Variants in TRIM7 observed in about 807,000 individuals in gnomAD.
TRIM7 encodes the protein tripartite motif containing 7.
TRIM7 carries 32 observed loss-of-function variants against 37.9 expected under a neutral mutation model. The observed-to-expected ratio is 0.84, with a 90% confidence interval of 0.64 to 1.13. TRIM7 has a LOEUF of 1.13. TRIM7 is among the 50% of genes most tolerant of loss of function. The pLI is 0.00. For missense variants in TRIM7, 732 were observed against 714.0 expected, an observed-to-expected ratio of 1.03 and a Z score of -0.29; for synonymous variants, 351 against 321.3, an observed-to-expected ratio of 1.09 and a Z score of -0.99.
At chr5:181,204,378 G>A (rs1757691202) in intron 1 of TRIM7, 2 of 1,209,382 alleles carry the variant, frequency 1.7e-6, no homozygotes, top group South Asian at 3.7e-5. Context: ...AACGCAGTGG[G>A]GGTGGGGTGG....
In TRIM7 at chr5:181,194,958, G is replaced by C; in HGVS notation, c.*208C>G. The C allele has an allele frequency of 1.1e-5, 6 of 569,504 alleles. No homozygotes were observed. The highest frequency in any genetic ancestry group is 1.5e-5 in the Non-Finnish European group (5 of 334,494). 35.3% of individuals were successfully genotyped at this position (569,504 alleles called of 1,614,324 possible). ...AAATCCACATGTGACCTCAGGAAGG[G>C]AACACCCTCAGGAGTCCAAAGCCCC... On this transcript the variant is annotated 3_prime_UTR_variant, in exon 7 of 7. Transcript: ENST00000274773.
At chr5:181,198,866 C>T in intron 4 of TRIM7, 61 bp from the exon 5 acceptor site, 1 of 1,361,314 alleles carries the variant, frequency 7.3e-7, no homozygotes, top group Non-Finnish European at 1.0e-6. Flanking sequence ...CAGGCTGTGA[C>T]AATTAGGATG....
Position 181,195,021 on chromosome 5 carries a change from C to A in TRIM7, c.*145G>T, listed in dbSNP as rs995353233. On this transcript the variant is annotated 3_prime_UTR_variant, in exon 7 of 7. Transcript: ENST00000274773. ...CGGTTGGCCACAGTCACTCTCCTGCCTCGGGGTTGTGTCTGTAGCAGGCTC... is the reference window on the plus strand; with the variant it reads ...CGGTTGGCCACAGTCACTCTCCTGCATCGGGGTTGTGTCTGTAGCAGGCTC... The A allele has an allele frequency of 1.9e-6, 2 of 1,034,494 alleles. No individual in the cohort carries two copies. Among genetic ancestry groups the A allele is most frequent in the East Asian group, 5.3e-5 (2 of 37,846 alleles). The allele number at this position is 1,034,494 out of a possible 1,614,324, so 64.1% of individuals were successfully genotyped here. A position where few individuals can be genotyped will look rare whatever the true frequency, so the allele number is the denominator to read the frequency against.
At chr5:181,203,959 A>G in intron 1 of TRIM7, 1 of 1,110,896 alleles carries the variant, frequency 9.0e-7, no homozygotes, top group Non-Finnish European at 1.1e-6. Flanking sequence ...AGGATGGGCC[A>G]GCAAGGAGAG....
rs759320360 is a variant in TRIM7 at position 181,203,572 on chromosome 5, C to G, written c.591G>C (p.Thr197=). The G allele has an allele frequency of 1.9e-6, 3 of 1,614,178 alleles. No homozygotes were observed. The highest frequency in any genetic ancestry group is 2.5e-6 in the Non-Finnish European group (3 of 1,180,040). ...ELEDCEVFRS[T]EKKESKELLK... Reference sequence around the variant, plus strand: ...GCAGCTCCTTGCTCTCCTTCTTTTCCGTGGACCGGAACACCTCACAGTCCT... The same window carrying G: ...GCAGCTCCTTGCTCTCCTTCTTTTCGGTGGACCGGAACACCTCACAGTCCT... The change falls in exon 2 of 7, where the codon ACG becomes ACC. Residue 197 remains threonine, a synonymous_variant. Transcript: ENST00000274773.
At chr5:181,199,159 C>T in intron 3 of TRIM7, 42 bp from the exon 4 acceptor site, 2 of 1,612,348 alleles carry the variant, frequency 1.2e-6, no homozygotes, top group Non-Finnish European at 8.5e-7. Flanking sequence ...CATCAGGTAA[C>T]CTCCATTCAC....
Position 181,194,784 on chromosome 5 carries a change from G to GCC in TRIM7, c.*380_*381dup, listed in dbSNP as rs929198738. On this transcript the variant is annotated 3_prime_UTR_variant, in exon 7 of 7. Coordinates refer to ENST00000274773, the MANE Select transcript of TRIM7 (RefSeq NM_203293.3). Reference sequence around the variant, plus strand: ...ATGATAACAAACGTGGTTGGCCCAGGCCCAGACCTGCCCCCTGGCAACAGA... The same window carrying GCC: ...ATGATAACAAACGTGGTTGGCCCAGGCCCCCAGACCTGCCCCCTGGCAACAGA... 5.6e-6 allele frequency: 1 copy of GCC among 179,894 alleles called. No individual in the cohort carries two copies. The highest frequency in any genetic ancestry group is 1.2e-5 in the Non-Finnish European group (1 of 86,916). 11.1% of individuals were successfully genotyped at this position (179,894 alleles called of 1,614,324 possible).
At chr5:181,200,537 T>C (rs1341613170) in intron 2 of TRIM7, 1 of 1,045,154 alleles carries the variant, frequency 9.6e-7, no homozygotes, top group African/African-American at 1.7e-5. Flanking sequence ...CTTTCCTGTT[T>C]AGCAGTTATA....
intron 5 of TRIM7, 119 bp downstream of exon 5, chr5:181,198,571 A>T: frequency 1.3e-6 from 1 of 760,816 alleles, no homozygotes; most frequent in Non-Finnish European, 2.2e-6. Flanking sequence ...TGGCCATGGC[A>T]CAGCCAGCTC....
intron 6 of TRIM7, chr5:181,197,510 A>G (rs1260056190): frequency 6.5e-6 from 1 of 152,790 alleles, no homozygotes; most frequent in Non-Finnish European, 1.5e-5. Context: ...GGTACACTGA[A>G]GGAACAGCAG....
At chr5:181,200,161 G>C in intron 2 of TRIM7, 80 bp from the exon 3 acceptor site, 1 of 1,611,312 alleles carries the variant, frequency 6.2e-7, no homozygotes, top group Non-Finnish European at 8.5e-7. Context: ...CATCCCACAG[G>C]GCAAGGCTTC....
rs1290992141 is a variant in TRIM7, at chr5:181,194,808, G to C, written c.*358C>G. The C allele has an allele frequency of 9.9e-6, 2 of 201,736 alleles. No individual in the cohort carries two copies. Among genetic ancestry groups the C allele is most frequent in the African/African-American group, 4.6e-5 (2 of 43,346 alleles). The allele number at this position is 201,736 out of a possible 1,614,324, so 12.5% of individuals were successfully genotyped here. A position where few individuals can be genotyped will look rare whatever the true frequency, so the allele number is the denominator to read the frequency against. On this transcript the variant is annotated 3_prime_UTR_variant, in exon 7 of 7. Coordinates refer to ENST00000274773, the MANE Select transcript of TRIM7 (RefSeq NM_203293.3). ...GGCCCAGACCTGCCCCCTGGCAACAGAGAACAGCAGGACTGGCTTTGACAT... is the reference window on the plus strand; with the variant it reads ...GGCCCAGACCTGCCCCCTGGCAACACAGAACAGCAGGACTGGCTTTGACAT...
chr5:181,202,608 C>T (rs1250136098), intron 2 of TRIM7: 1 of 150,714 alleles, frequency 6.6e-6, no homozygotes, highest in Non-Finnish European at 1.5e-5. Flanking sequence ...GCTCTGTCTC[C>T]CAGGCTGGAG....
intron 1 of TRIM7, 59 bp from the exon 2 acceptor site, chr5:181,203,699 T>C: frequency 1.3e-6 from 2 of 1,546,952 alleles, no homozygotes; most frequent in South Asian, 2.5e-5. Context: ...AACCCCCACC[T>C]CTGCCTTCCT....
intron 3 of TRIM7, 67 bp from the exon 4 acceptor site, chr5:181,199,184 G>A: frequency 6.3e-7 from 1 of 1,592,142 alleles, no homozygotes; most frequent in South Asian, 1.1e-5. Flanking sequence ...GAGAAACAAA[G>A]CTTGCCCCTT....
chr5:181,203,502 C>A, intron 2 of TRIM7, 43 bp downstream of exon 2: 2 of 1,612,050 alleles, frequency 1.2e-6, no homozygotes, highest in South Asian at 1.1e-5. Context: ...AGTTCTCAGG[C>A]CTCTGTAATG....
chr5:181,199,270 TC>T, intron 3 of TRIM7, 153 bp from the exon 4 acceptor site: 2 of 805,360 alleles, frequency 2.5e-6, no homozygotes, highest in Non-Finnish European at 2.1e-6. Context: ...GGCAGCAGCT[TC>T]CAGTGGCTGC....
chr5:181,199,437 GA>G (rs1757339443), intron 3 of TRIM7: 1 of 512,616 alleles, frequency 2.0e-6, no homozygotes, highest in African/African-American at 1.9e-5. Flanking sequence ...GAAACCACCT[GA>G]GGGAGGTCAC....
Position 181,204,240 on chromosome 5 carries a change from C to G in TRIM7, c.522+349G>C, listed in dbSNP as rs1190983558. The G allele has an allele frequency of 6.6e-6, 7 of 1,057,992 alleles. No individual in the cohort carries two copies. The South Asian group carries it at 2.2e-4, about 34-fold the overall frequency. The allele number at this position is 1,057,992 out of a possible 1,614,324, so 65.5% of individuals were successfully genotyped here. ...GGGGGCAGCGGCTGCGTGGCTGTGC[C>G]GGAGACTTCCCGCGGGCAGAGAGCT... is the stretch of plus-strand genomic sequence containing the variant. On this transcript the variant is annotated intron_variant, in intron 1 of 6. Coordinates refer to ENST00000274773, the MANE Select transcript of TRIM7 (RefSeq NM_203293.3).
Sources: gnomAD v4.1 joint callset for allele counts on GRCh38, gnomAD v4.1.1 for gene constraint, MANE v1.5 for transcripts, NCBI Gene and HGNC (gene_info 2026-07-23, HGNC 2026-07-21) for gene names.